Variants in ANKRD30B observed in about 807,000 individuals in gnomAD.
ANKRD30B encodes the protein ankyrin repeat domain-containing protein 30B.
Under a neutral mutation model 202.2 loss-of-function variants are expected in ANKRD30B, and 144 were observed. The ratio of observed to expected loss-of-function variants is 0.71; its 90% CI spans 0.62 to 0.82. The LOEUF is 0.82. Ranked by LOEUF, ANKRD30B falls within the 40% of genes least tolerant of loss-of-function variation. ANKRD30B has a pLI of 0.00. For missense variants in ANKRD30B, 1,487 were observed against 1,669.1 expected (o/e 0.89, Z 1.90); for synonymous variants, 508 against 561.3 (o/e 0.91, Z 1.34).
chr18:14,845,155 A>G (rs1410431729), intron 39 of ANKRD30B, among the ~76,000 whole-genome samples: 1 of 151,822 alleles, frequency 6.6e-6, no homozygotes, highest in Admixed American at 6.6e-5. Context: ...TTTAGTTCTG[A>G]AGTATTTGCC....
intron 9 of ANKRD30B, among the ~76,000 whole-genome samples, chr18:14,774,796 A>C (rs929860773): frequency 6.6e-6 from 1 of 152,052 alleles, no homozygotes; most frequent in Non-Finnish European, 1.5e-5. Flanking sequence ...ACTACGTAAG[A>C]GTAAATTTTT....
At chr18:14,893,287 T>G in the ANKRD30B span, among the ~76,000 whole-genome samples, 2 of 152,172 alleles carry the variant, frequency 1.3e-5, no homozygotes, top group Non-Finnish European at 2.9e-5. Flanking sequence ...GGAGTGATGT[T>G]CCTTTCAATA....
Position 14,807,784 on chromosome 18 carries a change from G to A in ANKRD30B, c.2285-767G>A, listed in dbSNP as rs114134448. On this transcript the variant is annotated intron_variant, in intron 24 of 43. Transcript: ENST00000690538. ...TGGCCTTGAGAGATCCACCCTCTTC[G>A]GGTTTCCAAGGTTCTGGAGATACAG... Among the ~76,000 whole-genome samples, 1,146 of 150,928 alleles carry A rather than the reference G, an allele frequency of 7.6e-3. 42 individuals carry two copies. The highest frequency in any genetic ancestry group is 0.024 in the African/African-American group (977 of 40,892).
the ANKRD30B span, among the ~76,000 whole-genome samples, chr18:14,911,890 T>G: frequency 5.9e-5 from 9 of 152,312 alleles, no homozygotes; most frequent in South Asian, 1.9e-3. Flanking sequence ...ATATTGTAAA[T>G]GGGATTGCCT....
the ANKRD30B span, among the ~76,000 whole-genome samples, chr18:14,864,363 A>G: frequency 1.3e-3 from 196 of 152,228 alleles, 1 homozygote; most frequent in Middle Eastern, 6.8e-3. Context: ...AAACCAAACC[A>G]AAACAAAAAA....
At chr18:14,901,996 AGGCCTCAGAATCAT>A in the ANKRD30B span, among the ~76,000 whole-genome samples, 1 of 152,180 alleles carries the variant, frequency 6.6e-6, no homozygotes, top group East Asian at 1.9e-4. Flanking sequence ...ATGGCTGGAG[AGGCCTCAGAATCAT>A]GGCAGGAGGC....
rs190521682 is a variant in ANKRD30B at position 14,831,329 on chromosome 18, T to C, written c.2775-54T>C. 2.1e-5 allele frequency: 26 copies of C among 1,256,066 alleles called. No individual in the cohort carries two copies. The African/African-American group carries it at 3.7e-4, about 18-fold the overall frequency. The allele number at this position is 1,256,066 out of a possible 1,614,324, so 77.8% of individuals were successfully genotyped here. Reference sequence around the variant, plus strand: ...GAGCACTAAGATATGAACTGGCAGGTTTTCTTTTTAAATATATGAATTTGC... The same window carrying C: ...GAGCACTAAGATATGAACTGGCAGGCTTTCTTTTTAAATATATGAATTTGC... On this transcript the variant is annotated intron_variant, in intron 33 of 43. Coordinates refer to ENST00000690538, the MANE Select transcript of ANKRD30B (RefSeq NM_001367607.2).
the ANKRD30B span, among the ~76,000 whole-genome samples, chr18:14,921,565 A>G: frequency 1.0e-4 from 5 of 48,044 alleles, no homozygotes; most frequent in African/African-American, 2.0e-4. Flanking sequence ...GTAAAAAGGG[A>G]AAAAAAAATC....
chr18:14,862,698 C>T, the ANKRD30B span, among the ~76,000 whole-genome samples: 33 of 152,294 alleles, frequency 2.2e-4, no homozygotes, highest in African/African-American at 5.5e-4. Context: ...GGTAGAGCCA[C>T]GGGAAGCTTT....
At chr18:14,909,157 A>G in the ANKRD30B span, among the ~76,000 whole-genome samples, 1 of 152,166 alleles carries the variant, frequency 6.6e-6, no homozygotes, top group Non-Finnish European at 1.5e-5. Flanking sequence ...TCTGGGACAC[A>G]GGACATCTGA....
At chr18:14,829,765 G>A (rs1468748408) in intron 33 of ANKRD30B, among the ~76,000 whole-genome samples, 1 of 152,160 alleles carries the variant, frequency 6.6e-6, no homozygotes. Context: ...TAGAAAAAAA[G>A]ACCAACTCAG....
chr18:14,874,785 A>C, the ANKRD30B span, among the ~76,000 whole-genome samples: 3 of 152,158 alleles, frequency 2.0e-5, no homozygotes, highest in Non-Finnish European at 2.9e-5. Flanking sequence ...ACTCATGTAC[A>C]AGGAGGGGAG....
intron 30 of ANKRD30B, among the ~76,000 whole-genome samples, chr18:14,818,830 A>G (rs1445858301): frequency 6.6e-6 from 1 of 151,992 alleles, no homozygotes; most frequent in Admixed American, 6.6e-5. Context: ...ATACGTGTGC[A>G]TGTGTCGTTA....
At chr18:14,887,870 A>C in the ANKRD30B span, among the ~76,000 whole-genome samples, 1 of 151,704 alleles carries the variant, frequency 6.6e-6, no homozygotes, top group Non-Finnish European at 1.5e-5. Flanking sequence ...ATTCCCAAAT[A>C]TGAATTATAC....
rs1336962757 is a variant in ANKRD30B at position 14,797,693 on chromosome 18, A to G, written c.1956+4A>G. On this transcript the variant is annotated splice_donor_region_variant and intron_variant, in intron 19 of 43. Transcript: ENST00000690538. ...TGATAAAGATGGTCTTCTGAAGGTA[A>G]TAGCTTTTATGTCTCTATCTTGAAT... The G allele has an allele frequency of 2.5e-6, 4 of 1,609,074 alleles. No homozygotes were observed. Among genetic ancestry groups the G allele is most frequent in the South Asian group, 1.1e-5 (1 of 90,936 alleles).
At chr18:14,825,780 A>C (rs892489470) in intron 32 of ANKRD30B, among the ~76,000 whole-genome samples, 2 of 152,360 alleles carry the variant, frequency 1.3e-5, no homozygotes, top group Non-Finnish European at 2.9e-5. Context: ...ATATAAAATA[A>C]ATAAGTTTGT....
chr18:14,873,235 A>C, the ANKRD30B span, among the ~76,000 whole-genome samples: 2 of 152,158 alleles, frequency 1.3e-5, no homozygotes, highest in Non-Finnish European at 1.5e-5. Context: ...TAATTAAAAG[A>C]TAATTTGGGG....
chr18:14,890,025 T>C, the ANKRD30B span: 3 of 1,238,086 alleles, frequency 2.4e-6, no homozygotes, highest in Admixed American at 1.7e-5. Flanking sequence ...CATTGCAAGA[T>C]AGAATTCACT....
chr18:14,806,185 C>A (rs1307582841), intron 24 of ANKRD30B, among the ~76,000 whole-genome samples: 15 of 148,774 alleles, frequency 1.0e-4, no homozygotes, highest in Non-Finnish European at 2.1e-4. Context: ...TCAACACTGC[C>A]CTCCAGCCTG....
Sources: allele counts gnomAD v4.1 joint callset (sites outside exome capture counted in the v4.1 genomes callset), GRCh38; gene constraint gnomAD v4.1.1; transcripts MANE v1.5; gene names NCBI Gene and HGNC (gene_info 2026-07-23, HGNC 2026-07-21).